UNC13C: variants seen among roughly 807,000 people sequenced by gnomAD.
The protein encoded by UNC13C is protein unc-13 homolog C.
In UNC13C, 174 loss-of-function variants were observed where a neutral mutation model predicts 245.4. The ratio of observed to expected loss-of-function variants is 0.71; its 90% CI spans 0.63 to 0.80. The LOEUF (loss-of-function observed/expected upper bound fraction) is 0.80, where lower values mean the gene tolerates loss of function less well. Among genes scored for constraint, UNC13C ranks in the 30% least tolerant of loss-of-function variants. The pLI is 0.00. For missense variants in UNC13C, 2,829 were observed against 2,602.9 expected (o/e 1.09, Z -1.89); for synonymous variants, 992 against 895.1 (o/e 1.11, Z -1.93).
At chr15:54,045,958 A>G (rs1897019156) in intron 2 of UNC13C, among the ~76,000 whole-genome samples, 1 of 152,158 alleles carries the variant, frequency 6.6e-6, no homozygotes, top group African/African-American at 2.4e-5. Context: ...AATTTATTGT[A>G]GTATCAGTAT....
the UNC13C span, among the ~76,000 whole-genome samples, chr15:53,872,756 T>C: frequency 1.3e-5 from 2 of 152,178 alleles, no homozygotes; most frequent in Non-Finnish European, 2.9e-5. Context: ...TCCTAATAAT[T>C]CAAGATTCTT....
At chr15:54,264,873 G>C (rs1341508611) in intron 9 of UNC13C, among the ~76,000 whole-genome samples, 3 of 151,876 alleles carry the variant, frequency 2.0e-5, no homozygotes, top group Non-Finnish European at 2.9e-5. Flanking sequence ...GCGAGTGACT[G>C]TGCAGCCTGT....
At chr15:54,288,373 T>C (rs2140927891) in intron 10 of UNC13C, among the ~76,000 whole-genome samples, 1 of 152,250 alleles carries the variant, frequency 6.6e-6, no homozygotes, top group Non-Finnish European at 1.5e-5. Flanking sequence ...TGAAAGTAAA[T>C]TAAAAAGGGC....
intron 7 of UNC13C, among the ~76,000 whole-genome samples, chr15:54,242,161 A>G (rs1323769175): frequency 6.6e-6 from 1 of 152,204 alleles, no homozygotes; most frequent in Non-Finnish European, 1.5e-5. Context: ...AAACTAGCTT[A>G]ATAAGATAAG....
chr15:54,633,434 A>G (rs1901494240), downstream of UNC13C: 1 of 152,180 alleles, frequency 6.6e-6, no homozygotes, highest in South Asian at 2.1e-4. Context: ...TTTCCTGTAC[A>G]AAGAAAGATT....
the UNC13C span, among the ~76,000 whole-genome samples, chr15:53,921,458 A>C: frequency 2.0e-5 from 3 of 152,228 alleles, no homozygotes; most frequent in Non-Finnish European, 2.9e-5. Context: ...AGTGAATATA[A>C]ACATTCTGGT....
At chr15:54,169,636 T>G (rs1004816827) in intron 4 of UNC13C, among the ~76,000 whole-genome samples, 5 of 152,160 alleles carry the variant, frequency 3.3e-5, no homozygotes, top group African/African-American at 1.2e-4. Flanking sequence ...TGCCCACCAT[T>G]CTGACCTGTT....
At chr15:54,561,748 T>C (rs1200630640) in intron 29 of UNC13C, among the ~76,000 whole-genome samples, 3 of 151,990 alleles carry the variant, frequency 2.0e-5, no homozygotes, top group South Asian at 2.1e-4. Context: ...ATTTCACCAA[T>C]AGGGAATCTT....
At chr15:53,983,295 C>T (rs1242890411) in intron 1 of UNC13C, among the ~76,000 whole-genome samples, 4 of 152,038 alleles carry the variant, frequency 2.6e-5, no homozygotes, top group African/African-American at 9.7e-5. Context: ...TCTCCAGTGC[C>T]TTCCTCTCTG....
At chr15:54,243,163 T>A (rs2035902408) in intron 7 of UNC13C, among the ~76,000 whole-genome samples, 1 of 138,916 alleles carries the variant, frequency 7.2e-6, no homozygotes, top group South Asian at 2.6e-4. Context: ...GGCCCCATTG[T>A]GTGTTATTCC....
chr15:54,142,908 A>G, intron 2 of UNC13C, 110 bp from the exon 3 acceptor site: 1 of 962,078 alleles, frequency 1.0e-6, no homozygotes. Context: ...GTTTATTTAT[A>G]ATTTTAAACA....
chr15:53,963,797 T>A, the UNC13C span, among the ~76,000 whole-genome samples: 1 of 152,152 alleles, frequency 6.6e-6, no homozygotes, highest in Non-Finnish European at 1.5e-5. Flanking sequence ...TGGCTGACAT[T>A]CATGGTTCAC....
chr15:54,512,632 C>A (rs1894802667), intron 24 of UNC13C, among the ~76,000 whole-genome samples: 1 of 152,112 alleles, frequency 6.6e-6, no homozygotes, highest in African/African-American at 2.4e-5. Context: ...TCTCCCCATG[C>A]CCTTATTCCG....
the UNC13C span, among the ~76,000 whole-genome samples, chr15:53,869,822 T>C: frequency 0.88 from 134,473 of 152,182 alleles, 60,744 homozygotes; most frequent in Non-Finnish European, 0.97. Flanking sequence ...ACCCAGTTGC[T>C]AACTCCCCAG....
At chr15:53,840,488 C>G in the UNC13C span, among the ~76,000 whole-genome samples, 1 of 152,036 alleles carries the variant, frequency 6.6e-6, no homozygotes, top group East Asian at 1.9e-4. Flanking sequence ...AATAAAAAAA[C>G]AAGGAGAAAG....
At chr15:54,631,961 A>G (rs1442963501), downstream of UNC13C, 1 of 152,200 alleles carries the variant, frequency 6.6e-6, no homozygotes, top group Non-Finnish European at 1.5e-5. Flanking sequence ...GAAGCAATGT[A>G]TGAGAGTTTC....
chr15:54,328,799 A>AT (rs1421765665), intron 14 of UNC13C, among the ~76,000 whole-genome samples: 1 of 152,008 alleles, frequency 6.6e-6, no homozygotes, highest in African/African-American at 2.4e-5. Context: ...AGCTAAGAAT[A>AT]TTTTTTAATA....
At chr15:53,886,184 T>C in the UNC13C span, among the ~76,000 whole-genome samples, 13 of 152,162 alleles carry the variant, frequency 8.5e-5, no homozygotes, top group Non-Finnish European at 1.3e-4. Context: ...CCAACAAGCA[T>C]ACCGAACACC....
At chr15:54,446,044 T>C (rs1456350087) in intron 19 of UNC13C, among the ~76,000 whole-genome samples, 3 of 152,228 alleles carry the variant, frequency 2.0e-5, no homozygotes, top group African/African-American at 7.2e-5. Context: ...GTTTGTTGAA[T>C]AGGGAATCCT....
Sources: allele counts gnomAD v4.1 joint callset (sites outside exome capture counted in the v4.1 genomes callset), GRCh38; gene constraint gnomAD v4.1.1; transcripts MANE v1.5; gene names NCBI Gene and HGNC (gene_info 2026-07-23, HGNC 2026-07-21).